ROBO2: variants seen among roughly 807,000 people sequenced by gnomAD.
The protein encoded by ROBO2 is roundabout homolog 2.
Under a neutral mutation model 160.8 loss-of-function variants are expected in ROBO2, and 53 were observed. The observed-to-expected ratio is 0.33, with a 90% CI of 0.26 to 0.41. ROBO2 has a LOEUF of 0.41. ROBO2 is among the 10% of genes least tolerant of loss of function. ROBO2 has a pLI of 1.00. For synonymous variants in ROBO2, 664 were observed against 611.7 expected, an observed-to-expected ratio of 1.09 and a Z score of -1.26; for missense variants, 1,577 against 1,722.4, an observed-to-expected ratio of 0.92 and a Z score of 1.49.
chr3:76,198,226 A>G (rs1035398808), intron 2 of ROBO2, among the ~76,000 whole-genome samples: 10 of 138,716 alleles, frequency 7.2e-5, no homozygotes, highest in African/African-American at 2.5e-4. Flanking sequence ...ATGGTGGGAA[A>G]GGGAGATCCG....
At chr3:76,122,983 C>G (rs916689212) in intron 2 of ROBO2, among the ~76,000 whole-genome samples, 1 of 151,998 alleles carries the variant, frequency 6.6e-6, no homozygotes, top group Non-Finnish European at 1.5e-5. Flanking sequence ...TCCTGACCTC[C>G]TGATCTGCCC....
chr3:76,226,368 T>G (rs1191427797), intron 2 of ROBO2, among the ~76,000 whole-genome samples: 4 of 152,126 alleles, frequency 2.6e-5, no homozygotes, highest in African/African-American at 4.8e-5. Flanking sequence ...TGTGTGCCTG[T>G]GAGCCTGTAG....
chr3:76,856,281 C>A (rs2070066261), intron 2 of ROBO2, among the ~76,000 whole-genome samples: 1 of 152,108 alleles, frequency 6.6e-6, no homozygotes, highest in Non-Finnish European at 1.5e-5. Flanking sequence ...TTTACCACAT[C>A]CTTCTTTTTT....
intron 2 of ROBO2, among the ~76,000 whole-genome samples, chr3:76,135,582 G>A (rs1046555170): frequency 2.0e-5 from 3 of 152,056 alleles, no homozygotes; most frequent in African/African-American, 7.2e-5. Flanking sequence ...CATGTTCAAT[G>A]TATCACAATT....
At chr3:76,750,465 A>G (rs954901068) in intron 2 of ROBO2, among the ~76,000 whole-genome samples, 1 of 152,042 alleles carries the variant, frequency 6.6e-6, no homozygotes, top group African/African-American at 2.4e-5. Flanking sequence ...GGCGGGAGAA[A>G]GAAATAAAGG....
chr3:77,039,468 A>G (rs941015570), upstream of ROBO2, among the ~76,000 whole-genome samples: 2 of 152,178 alleles, frequency 1.3e-5, no homozygotes, highest in Non-Finnish European at 2.9e-5. Context: ...CTCACGGAGA[A>G]AATTACCTGC....
At chr3:76,846,662 T>G (rs977263084) in intron 2 of ROBO2, among the ~76,000 whole-genome samples, 2 of 152,178 alleles carry the variant, frequency 1.3e-5, no homozygotes, top group African/African-American at 4.8e-5. Flanking sequence ...TTACTGGCTC[T>G]TCAGAGATTA....
exon 3 of ROBO2, chr3:77,477,415 G>A (rs766888768): frequency 6.2e-7 from 1 of 1,613,320 alleles, no homozygotes; most frequent in Non-Finnish European, 8.5e-7. Flanking sequence ...TTTCCTCAGT[G>A]TTACGAGATG....
chr3:76,210,662 A>T (rs1183447828), intron 2 of ROBO2, among the ~76,000 whole-genome samples: 1 of 152,206 alleles, frequency 6.6e-6, no homozygotes, highest in Non-Finnish European at 1.5e-5. Flanking sequence ...TACATTTTTC[A>T]TCTCCAAAAA....
intron 20 of ROBO2, chr3:77,603,207 C>A (rs180940534): frequency 2.1e-5 from 8 of 382,252 alleles, no homozygotes; most frequent in Admixed American, 1.1e-4. Flanking sequence ...TGAAATCATG[C>A]CTTGGTGGGA....
At chr3:76,048,982 A>G (rs1221688916) in intron 2 of ROBO2, among the ~76,000 whole-genome samples, 1 of 152,160 alleles carries the variant, frequency 6.6e-6, no homozygotes, top group Admixed American at 6.5e-5. Flanking sequence ...ATGCAACGCT[A>G]AACAACATAT....
At chr3:75,938,648 T>G (rs140039859) in intron 2 of ROBO2, among the ~76,000 whole-genome samples, 1 of 152,124 alleles carries the variant, frequency 6.6e-6, no homozygotes, top group Non-Finnish European at 1.5e-5. Context: ...TAATAAAGTT[T>G]AACACTTTTT....
chr3:77,345,902 T>C (rs1023449929), intron 2 of ROBO2, among the ~76,000 whole-genome samples: 2 of 152,118 alleles, frequency 1.3e-5, no homozygotes, highest in African/African-American at 2.4e-5. Context: ...CCTGTTAATG[T>C]AGGTTAAATG....
intron 2 of ROBO2, among the ~76,000 whole-genome samples, chr3:77,156,743 AATTAGAATATATAAAAATATTT>A (rs1396290260): frequency 2.0e-5 from 3 of 149,920 alleles, no homozygotes; most frequent in Non-Finnish European, 3.0e-5. Flanking sequence ...TTAGAATATT[AATTAGAATATATAAAAATATTT>A]ATTAGAATAT....
intron 2 of ROBO2, among the ~76,000 whole-genome samples, chr3:76,920,295 T>A (rs528515162): frequency 6.6e-6 from 1 of 152,174 alleles, no homozygotes; most frequent in Admixed American, 6.5e-5. Flanking sequence ...TTTATTAGCT[T>A]ATTCATAAAA....
At chr3:76,435,453 C>A in intron 2 of ROBO2, 1 of 759,130 alleles carries the variant, frequency 1.3e-6, no homozygotes. Context: ...GGTTCTTTGC[C>A]CTCCCTTCAC....
chr3:76,829,297 C>T (rs1368563181), intron 2 of ROBO2, among the ~76,000 whole-genome samples: 1 of 152,128 alleles, frequency 6.6e-6, no homozygotes, highest in Non-Finnish European at 1.5e-5. Flanking sequence ...CCAGTCATAT[C>T]TTTTCATGTT....
intron 2 of ROBO2, among the ~76,000 whole-genome samples, chr3:76,261,881 T>C (rs1426265048): frequency 2.0e-5 from 3 of 152,170 alleles, no homozygotes; most frequent in East Asian, 1.9e-4. Context: ...GAAAATGATA[T>C]GAAAGTATTT....
At chr3:76,452,949 G>A (rs1467048867) in intron 2 of ROBO2, among the ~76,000 whole-genome samples, 2 of 152,156 alleles carry the variant, frequency 1.3e-5, no homozygotes, top group Admixed American at 6.5e-5. Flanking sequence ...TTTTTCATGT[G>A]TCTTTTGGCT....
Sources: gnomAD v4.1 joint callset for allele counts (sites outside exome capture counted in the v4.1 genomes callset) on GRCh38, gnomAD v4.1.1 for gene constraint, MANE v1.5 for transcripts, NCBI Gene and HGNC (gene_info 2026-07-23, HGNC 2026-07-21) for gene names.